The following IFNGR1 variants were observed in gnomAD, a reference collection of about 807,000 sequenced individuals.
IFNGR1 encodes the protein interferon gamma receptor 1.
In IFNGR1, 23 loss-of-function variants were observed where a neutral mutation model predicts 35.4. The observed-to-expected ratio is 0.65, with a 90% CI of 0.47 to 0.92. The LOEUF (loss-of-function observed/expected upper bound fraction) is 0.92, where lower values mean the gene tolerates loss of function less well. IFNGR1 is among the 40% of genes least tolerant of loss of function. The probability of loss-of-function intolerance (pLI) is 0.00; values close to 1 mark genes in which losing one functional copy is unlikely to be tolerated. For missense variants in IFNGR1, 533 were observed against 583.4 expected, an observed-to-expected ratio of 0.91 and a Z score of 0.89; for synonymous variants, 199 against 209.5, an observed-to-expected ratio of 0.95 and a Z score of 0.43.
chr6:137,216,659 G>A (rs576437158), intron 1 of IFNGR1, among the ~76,000 whole-genome samples: 1 of 152,262 alleles, frequency 6.6e-6, no homozygotes, highest in South Asian at 2.1e-4. Flanking sequence ...AGCATTGTTG[G>A]TTTCTTCCTA....
At position 137,215,426 on chromosome 6, in the gene IFNGR1, A is replaced by G. The variant is rs1779669857; in HGVS notation, c.85+3817T>C. ...AAAATGAATAATTTCTTAAAAATACACAAGACCTAAACAGATACCTAGTAT... is the reference window on the plus strand; with the variant it reads ...AAAATGAATAATTTCTTAAAAATACGCAAGACCTAAACAGATACCTAGTAT... On this transcript the variant is annotated intron_variant, in intron 1 of 6. Transcript: ENST00000367739. The G allele has an allele frequency of 2.4e-6, 3 of 1,247,996 alleles. No individual in the cohort carries two copies. In the South Asian group the frequency reaches 4.4e-5, roughly 18 times the overall value. The allele number at this position is 1,247,996 out of a possible 1,614,324, so 77.3% of individuals were successfully genotyped here.
At chr6:137,212,515 C>T (rs1308875586) in intron 1 of IFNGR1, among the ~76,000 whole-genome samples, 1 of 152,176 alleles carries the variant, frequency 6.6e-6, no homozygotes, top group African/African-American at 2.4e-5. Context: ...CTGGGCCTCC[C>T]AAAGTGCTGA....
intron 5 of IFNGR1, among the ~76,000 whole-genome samples, chr6:137,202,373 T>C (rs563221874): frequency 6.6e-6 from 1 of 152,258 alleles, no homozygotes; most frequent in African/African-American, 2.4e-5. Context: ...TTAAGAAGGG[T>C]TTTATTTTTC....
At chr6:137,213,470 G>C (rs1779620713) in intron 1 of IFNGR1, among the ~76,000 whole-genome samples, 1 of 152,070 alleles carries the variant, frequency 6.6e-6, no homozygotes, top group Non-Finnish European at 1.5e-5. Context: ...ACTAAACACA[G>C]GAGAGAAGAA....
chr6:137,199,371 A>G (rs1185758764), intron 6 of IFNGR1, among the ~76,000 whole-genome samples: 2 of 130,802 alleles, frequency 1.5e-5, no homozygotes, highest in Non-Finnish European at 3.1e-5. Flanking sequence ...TATATTATAT[A>G]AAATATAATT....
chr6:137,213,339 T>C lies in IFNGR1; in HGVS notation c.85+5904A>G, dbSNP rs143689356. On this transcript the variant is annotated intron_variant, in intron 1 of 6. Transcript: ENST00000367739. ...AGTTTTGTGTAACTCATGTTGCTTT[T>C]GGAAATGGACTCAGAATTATTTAGT... Among the ~76,000 whole-genome samples the C allele has an allele frequency of 4.2e-3, 639 of 152,334 alleles. 4 individuals are homozygous for C. Among genetic ancestry groups the C allele is most frequent in the Middle Eastern group, 0.041 (12 of 294 alleles).
chr6:137,212,014 T>TTTAACAGTTC (rs1202224372), intron 1 of IFNGR1, among the ~76,000 whole-genome samples: 6 of 152,150 alleles, frequency 3.9e-5, no homozygotes, highest in African/African-American at 1.4e-4. Context: ...CTGGTTTCTT[T>TTTAACAGTTC]TTAACAGTTC....
intron 5 of IFNGR1, 81 bp from the exon 6 acceptor site, chr6:137,201,089 G>C (rs1779267207): frequency 2.1e-6 from 3 of 1,436,072 alleles, no homozygotes; most frequent in Non-Finnish European, 2.9e-6. Flanking sequence ...TGCCATTCTT[G>C]AATAGATTTA....
chr6:137,216,886 C>A (rs1244610204), intron 1 of IFNGR1, among the ~76,000 whole-genome samples: 1 of 152,102 alleles, frequency 6.6e-6, no homozygotes, highest in Non-Finnish European at 1.5e-5. Context: ...ACGAGAGGTA[C>A]AGAGACAAAT....
At chr6:137,218,984 A>T (rs1779777132) in intron 1 of IFNGR1, 1 of 573,962 alleles carries the variant, frequency 1.7e-6, no homozygotes, top group Admixed American at 3.0e-5. Context: ...AGTGGATTAC[A>T]AGAGTCGGAA....
chr6:137,209,614 T>C lies in IFNGR1; in HGVS notation c.86-2537A>G, dbSNP rs115041531. 7.7e-3 allele frequency among the ~76,000 whole-genome samples: 1,169 copies of C among 152,326 alleles called. 13 individuals carry two copies. Among genetic ancestry groups the C allele is most frequent in the African/African-American group, 0.027 (1,125 of 41,562 alleles). On this transcript the variant is annotated intron_variant, in intron 1 of 6. Coordinates refer to ENST00000367739, the MANE Select transcript of IFNGR1 (RefSeq NM_000416.3). ...TAAGAAGTGCCTTTCGCCCTTGCTG[T>C]GATTCTGAGGCCTCCCCAGCCATGT...
Position 137,198,271 on chromosome 6 carries a change from A to G in IFNGR1, c.1230T>C (p.Asn410=). ...GACAGCTGGAATCAGTATCAAAACC[A>G]TTTCTGGAGTGATCACTCTCAGAAC... ...RNCSESDHSR[N]GFDTDSSCLE... is the part of the protein sequence containing the mutation. The change falls in exon 7 of 7, where the codon AAT becomes AAC. Residue 410 remains asparagine, a synonymous_variant. Transcript: ENST00000367739. 3 of 1,613,818 alleles carry G rather than the reference A, an allele frequency of 1.9e-6. No homozygotes were observed. Among genetic ancestry groups the G allele is most frequent in the Non-Finnish European group, 2.5e-6 (3 of 1,180,016 alleles).
rs1295308969 is a variant in IFNGR1 at position 137,215,293 on chromosome 6, AGAC to A, written c.85+3947_85+3949del. 5 of 1,546,762 alleles carry A rather than the reference AGAC, an allele frequency of 3.2e-6. No homozygotes were observed. The African/African-American group carries it at 5.7e-5, about 17-fold the overall frequency. The stretch of plus-strand genomic sequence containing the variant: ...TCCATATTTAAATTGGAATTGGAGA[AGAC>A]TATTTTCTGGTGACTTCAAAAGCAT... On this transcript the variant is annotated intron_variant, in intron 1 of 6. Transcript: ENST00000367739.
intron 4 of IFNGR1, 112 bp from the exon 5 acceptor site, chr6:137,203,797 T>C (rs988490588): frequency 8.1e-6 from 7 of 866,340 alleles, no homozygotes; most frequent in African/African-American, 6.8e-5. Context: ...TATGATTGAC[T>C]TGAACATGTC....
intron 1 of IFNGR1, among the ~76,000 whole-genome samples, chr6:137,207,712 C>A (rs1260907977): frequency 6.6e-6 from 1 of 152,220 alleles, no homozygotes; most frequent in Non-Finnish European, 1.5e-5. Context: ...ATTCTGAGGC[C>A]TCTCCAACCA....
chr6:137,209,189 C>T (rs1779518175), intron 1 of IFNGR1, among the ~76,000 whole-genome samples: 1 of 152,184 alleles, frequency 6.6e-6, no homozygotes. Context: ...AAGTAACTAG[C>T]TTGCTTTTGA....
At chr6:137,198,779 T>C (rs1779164918) in intron 6 of IFNGR1, 140 bp from the exon 7 acceptor site, 1 of 674,778 alleles carries the variant, frequency 1.5e-6, no homozygotes, top group Non-Finnish European at 2.5e-6. Context: ...CCATTTCTTT[T>C]TAATGAAAGG....
intron 1 of IFNGR1, among the ~76,000 whole-genome samples, chr6:137,212,336 C>A (rs926857566): frequency 1.3e-5 from 2 of 152,182 alleles, no homozygotes; most frequent in East Asian, 1.9e-4. Flanking sequence ...CTGCTCACTG[C>A]AACCTCTGCC....
intron 6 of IFNGR1, among the ~76,000 whole-genome samples, chr6:137,199,502 TA>T: frequency 9.8e-6 from 1 of 101,704 alleles, no homozygotes; most frequent in Admixed American, 1.6e-4. Context: ...TTATATAAAA[TA>T]TATAATTTAT....
Sources: gnomAD v4.1 joint callset for allele counts (sites outside exome capture counted in the v4.1 genomes callset) on GRCh38, gnomAD v4.1.1 for gene constraint, MANE v1.5 for transcripts, NCBI Gene and HGNC (gene_info 2026-07-23, HGNC 2026-07-21) for gene names.